The following TENT4A variants were observed in gnomAD, a reference collection of about 807,000 sequenced individuals.
TENT4A encodes the protein DNA polymerase kappa.
Under a neutral mutation model 72.8 loss-of-function variants are expected in TENT4A, and 7 were observed. The observed-to-expected ratio is 0.10, with a 90% confidence interval of 0.05 to 0.18. The LOEUF (loss-of-function observed/expected upper bound fraction) is 0.18, where lower values mean the gene tolerates loss of function less well. Among genes scored for constraint, TENT4A ranks in the 10% least tolerant of loss-of-function variants. The pLI is 1.00. For synonymous variants in TENT4A, 456 were observed against 434.3 expected (o/e 1.05, Z -0.62); for missense variants, 831 against 1,017.7 (o/e 0.82, Z 2.50).
At position 6,713,903 on chromosome 5, in the gene TENT4A, G is replaced by A; in HGVS notation, c.-81G>A. ...GGCCCGTCCGTCCGTCCGTGCGCGC[G>A]CGGCCGGGCCTCGGGGCGCGGCGGG... On this transcript the variant is annotated 5_prime_UTR_variant, in exon 1 of 13. Coordinates refer to ENST00000230859, the MANE Select transcript of TENT4A (RefSeq NM_006999.6). 6.5e-6 allele frequency: 3 copies of A among 459,178 alleles called. No individual in the cohort carries two copies. Among genetic ancestry groups the A allele is most frequent in the Non-Finnish European group, 8.5e-6 (3 of 352,270 alleles). 28.4% of individuals were successfully genotyped at this position (459,178 alleles called of 1,614,324 possible). A position where few individuals can be genotyped will look rare whatever the true frequency, so the allele number is the denominator to read the frequency against.
At chr5:6,733,695 G>C (rs1024497156) in intron 1 of TENT4A, among the ~76,000 whole-genome samples, 1 of 127,510 alleles carries the variant, frequency 7.8e-6, no homozygotes, top group Admixed American at 8.5e-5. Flanking sequence ...TTTCATTGAT[G>C]TACTTCTGTG....
chr5:6,713,722 G>A lies in TENT4A; in HGVS notation c.-262G>A, dbSNP rs1740206677. On this transcript the variant is annotated 5_prime_UTR_variant, in exon 1 of 13. Coordinates refer to ENST00000230859, the MANE Select transcript of TENT4A (RefSeq NM_006999.6). ...AGCCCGGAGACCGCAGCCGCCCGCT[G>A]GGACGCGCCAAGCGCCGGAGCCGCC... The A allele has an allele frequency of 6.8e-6, 1 of 146,252 alleles. No individual in the cohort carries two copies. Among genetic ancestry groups the A allele is most frequent in the Non-Finnish European group, 1.5e-5 (1 of 65,548 alleles). 9.1% of individuals were successfully genotyped at this position (146,252 alleles called of 1,614,324 possible).
intron 9 of TENT4A, 137 bp downstream of exon 9, chr5:6,749,794 A>G (rs1327764571): frequency 3.1e-5 from 20 of 646,904 alleles, no homozygotes; most frequent in Non-Finnish European, 2.5e-5. Context: ...TTAAGAAGAC[A>G]ATAAGATCTA....
intron 1 of TENT4A, among the ~76,000 whole-genome samples, chr5:6,722,547 GTT>G (rs55840324): frequency 7.3e-5 from 9 of 123,250 alleles, no homozygotes; most frequent in African/African-American, 9.4e-5. Flanking sequence ...GCATTTGTTA[GTT>G]TTTTTTTTTT....
At chr5:6,736,584 A>T (rs1741512081) in intron 1 of TENT4A, among the ~76,000 whole-genome samples, 1 of 152,242 alleles carries the variant, frequency 6.6e-6, no homozygotes. Flanking sequence ...AATCCCTTAA[A>T]GGAAAAGAGG....
chr5:6,721,154 A>G (rs1475446321), intron 1 of TENT4A, among the ~76,000 whole-genome samples: 1 of 152,168 alleles, frequency 6.6e-6, no homozygotes, highest in Non-Finnish European at 1.5e-5. Context: ...TGTAGCCCGC[A>G]TTCTTAGTGC....
At chr5:6,727,402 A>AG (rs1740986958) in intron 1 of TENT4A, among the ~76,000 whole-genome samples, 1 of 152,092 alleles carries the variant, frequency 6.6e-6, no homozygotes, top group Admixed American at 6.5e-5. Context: ...TGACCTTCTG[A>AG]GGGCTTGGTC....
chr5:6,745,682 T>C (rs1283166296), intron 6 of TENT4A, among the ~76,000 whole-genome samples: 1 of 152,184 alleles, frequency 6.6e-6, no homozygotes, highest in African/African-American at 2.4e-5. Flanking sequence ...AGAGTGGTGC[T>C]CATCTGTGTG....
chr5:6,737,087 A>G (rs1396752262), intron 1 of TENT4A, among the ~76,000 whole-genome samples: 1 of 152,142 alleles, frequency 6.6e-6, no homozygotes, highest in Admixed American at 6.5e-5. Context: ...CATGCTCCTT[A>G]GCGTGAGGCA....
At chr5:6,741,246 T>C (rs1741789006) in intron 4 of TENT4A, among the ~76,000 whole-genome samples, 1 of 152,156 alleles carries the variant, frequency 6.6e-6, no homozygotes, top group Non-Finnish European at 1.5e-5. Flanking sequence ...CCACTGCTCA[T>C]TTCTGGGGAG....
intron 1 of TENT4A, among the ~76,000 whole-genome samples, chr5:6,722,150 G>A (rs1163825697): frequency 4.6e-5 from 7 of 152,180 alleles, no homozygotes; most frequent in East Asian, 3.9e-4. Flanking sequence ...AGCTGGTTTC[G>A]CCATGGTTTC....
intron 1 of TENT4A, among the ~76,000 whole-genome samples, chr5:6,718,955 C>T (rs1740517491): frequency 6.6e-6 from 1 of 151,084 alleles, no homozygotes; most frequent in Non-Finnish European, 1.5e-5. Context: ...GAGAGGCCTC[C>T]AATCTTTTCG....
intron 1 of TENT4A, among the ~76,000 whole-genome samples, chr5:6,715,584 TC>T (rs1045961924): frequency 5.9e-5 from 9 of 152,124 alleles, no homozygotes; most frequent in African/African-American, 2.2e-4. Context: ...GCACAATTTT[TC>T]CCCCCAATTT....
At chr5:6,747,100 A>T (rs1742145821) in intron 7 of TENT4A, among the ~76,000 whole-genome samples, 1 of 152,244 alleles carries the variant, frequency 6.6e-6, no homozygotes, top group Non-Finnish European at 1.5e-5. Context: ...TTCTTTAATG[A>T]TTAGTGGGGT....
chr5:6,725,648 CATA>C (rs1160594162), intron 1 of TENT4A, among the ~76,000 whole-genome samples: 1 of 152,162 alleles, frequency 6.6e-6, no homozygotes, highest in East Asian at 1.9e-4. Flanking sequence ...CTAACTAAAA[CATA>C]ATGACATTGT....
At chr5:6,722,568 T>TTTTTA (rs1740712479) in intron 1 of TENT4A, among the ~76,000 whole-genome samples, 1 of 150,646 alleles carries the variant, frequency 6.6e-6, no homozygotes, top group African/African-American at 2.4e-5. Flanking sequence ...TTTTTTTTTT[T>TTTTTA]AACTGTTCTG....
chr5:6,750,928 TA>T, intron 10 of TENT4A, 110 bp from the exon 11 acceptor site: 1 of 1,205,814 alleles, frequency 8.3e-7, no homozygotes, highest in Non-Finnish European at 1.2e-6. Context: ...TTAATTTGAA[TA>T]ACCTTTCATA....
chr5:6,743,786 T>TA lies in TENT4A; in HGVS notation c.1192dup (p.Thr398AsnfsTer5), dbSNP rs1259032938. On this transcript the variant is annotated frameshift_variant, in exon 6 of 13. Transcript: ENST00000230859. LOFTEE classifies it high-confidence loss of function. Reference sequence around the variant, plus strand: ...TGCAGAGGGACCTGAATGAAGTTTTTACAGGTGGAATTAGCTCATACAGCC... The same window carrying TA: ...TGCAGAGGGACCTGAATGAAGTTTTTAACAGGTGGAATTAGCTCATACAGCC... 6.2e-7 allele frequency: 1 copy of TA among 1,613,946 alleles called. No individual in the cohort carries two copies. The highest frequency in any genetic ancestry group is 1.7e-5 in the Admixed American group (1 of 60,028).
rs1332820583 is a variant in TENT4A at position 6,755,941 on chromosome 5, G to C, written c.*996G>C. The C allele has an allele frequency of 6.6e-6, 1 of 152,256 alleles. No individual in the cohort carries two copies. Among genetic ancestry groups the C allele is most frequent in the Non-Finnish European group, 1.5e-5 (1 of 68,042 alleles). The allele number at this position is 152,256 out of a possible 1,614,324, so 9.4% of individuals were successfully genotyped here. A position where few individuals can be genotyped will look rare whatever the true frequency, so the allele number is the denominator to read the frequency against. ...TCGGTCAGTTTTAGTGACATAGCCT[G>C]TGATGATGGGTCTGGTGACTATTAT... On this transcript the variant is annotated 3_prime_UTR_variant, in exon 13 of 13. Transcript: ENST00000230859.
Sources: allele counts gnomAD v4.1 joint callset (sites outside exome capture counted in the v4.1 genomes callset), GRCh38; gene constraint gnomAD v4.1.1; transcripts MANE v1.5; gene names NCBI Gene and HGNC (gene_info 2026-07-23, HGNC 2026-07-21).